Variants in EIF4G3 observed in about 807,000 individuals in gnomAD.
EIF4G3 encodes eIF-4-gamma 3.
A neutral mutation model predicts 186.4 loss-of-function variants in EIF4G3; 34 were observed. That is an observed-to-expected ratio of 0.18 (90% CI 0.14 to 0.24). The LOEUF (loss-of-function observed/expected upper bound fraction) is 0.24, where lower values mean the gene tolerates loss of function less well. Among genes scored for constraint, EIF4G3 ranks in the 10% least tolerant of loss-of-function variants. The pLI is 1.00. For missense variants in EIF4G3, 1,536 were observed against 1,948.5 expected (o/e 0.79, Z 3.99); for synonymous variants, 673 against 679.5 (o/e 0.99, Z 0.15).
At chr1:20,883,487 C>T (rs929034313) in intron 19 of EIF4G3, among the ~76,000 whole-genome samples, 1 of 152,082 alleles carries the variant, frequency 6.6e-6, no homozygotes, top group Non-Finnish European at 1.5e-5. Flanking sequence ...GCATGGTGGA[C>T]ACGCCTGTAA....
At chr1:21,112,151 T>G (rs1193161082) in intron 2 of EIF4G3, among the ~76,000 whole-genome samples, 1 of 152,232 alleles carries the variant, frequency 6.6e-6, no homozygotes, top group Non-Finnish European at 1.5e-5. Context: ...CTGATGGTTA[T>G]CAACAGTAAC....
intron 18 of EIF4G3, among the ~76,000 whole-genome samples, chr1:20,889,062 G>A (rs1298093830): frequency 6.6e-6 from 1 of 152,158 alleles, no homozygotes; most frequent in Non-Finnish European, 1.5e-5. Context: ...GGGTTGATTA[G>A]TGAGCCATTT....
At chr1:21,016,652 C>A (rs2089173786) in intron 4 of EIF4G3, among the ~76,000 whole-genome samples, 1 of 149,802 alleles carries the variant, frequency 6.7e-6, no homozygotes, top group Non-Finnish European at 1.5e-5. Flanking sequence ...GTATGAGACC[C>A]TGTCTTAAAA....
intron 3 of EIF4G3, among the ~76,000 whole-genome samples, chr1:21,075,774 A>G (rs903731105): frequency 6.6e-6 from 1 of 152,024 alleles, no homozygotes; most frequent in African/African-American, 2.4e-5. Flanking sequence ...TTCAGCAAGA[A>G]AATATAACAA....
chr1:20,960,414 C>G (rs1173855938), intron 12 of EIF4G3, among the ~76,000 whole-genome samples: 1 of 151,736 alleles, frequency 6.6e-6, no homozygotes. Context: ...TGCAGTGAGC[C>G]AAGATCATGC....
In EIF4G3 at chr1:20,810,600, ATTAAAG is replaced by A. The variant is rs2059052828; in HGVS notation, c.4744+132_4744+137del. On this transcript the variant is annotated intron_variant, in intron 36 of 36. Coordinates refer to ENST00000602326, the MANE Select transcript of EIF4G3 (RefSeq NM_001391906.1). The surrounding 1 kb of genome is among the most constrained non-coding windows in gnomAD (Gnocchi z 4.1). ...ACTGCACCCGGCCAAATTCAAATTT[ATTAAAG>A]TTAGTTATATGAGTTTGTGTTATTA... The A allele has an allele frequency of 9.2e-7, 1 of 1,088,240 alleles. No individual in the cohort carries two copies. Among genetic ancestry groups the A allele is most frequent in the Non-Finnish European group, 1.3e-6 (1 of 765,340 alleles). The allele number at this position is 1,088,240 out of a possible 1,614,324, so 67.4% of individuals were successfully genotyped here. A position where few individuals can be genotyped will look rare whatever the true frequency, so the allele number is the denominator to read the frequency against.
intron 3 of EIF4G3, among the ~76,000 whole-genome samples, chr1:21,066,122 T>C (rs553354145): frequency 6.6e-6 from 1 of 152,100 alleles, no homozygotes; most frequent in African/African-American, 2.4e-5. Context: ...ATCATACCAC[T>C]GGGCAACAGA....
intron 2 of EIF4G3, among the ~76,000 whole-genome samples, chr1:21,141,745 A>T (rs1040561414): frequency 2.0e-5 from 3 of 152,130 alleles, no homozygotes; most frequent in Admixed American, 2.0e-4. Context: ...CCTGGACAAC[A>T]TAGTGAGACC....
At chr1:20,936,742 G>A (rs531557434) in intron 14 of EIF4G3, among the ~76,000 whole-genome samples, 1 of 152,218 alleles carries the variant, frequency 6.6e-6, no homozygotes, top group Admixed American at 6.5e-5. Context: ...AATAAAGCAA[G>A]GGTTGTTATT....
At chr1:21,096,207 T>C (rs552545985) in intron 2 of EIF4G3, among the ~76,000 whole-genome samples, 77 of 152,312 alleles carry the variant, frequency 5.1e-4, no homozygotes, top group African/African-American at 1.7e-3. Context: ...GGAATACTAT[T>C]CAACCATAAA....
At chr1:20,929,791 G>C (rs2154560971) in intron 14 of EIF4G3, among the ~76,000 whole-genome samples, 1 of 152,168 alleles carries the variant, frequency 6.6e-6, no homozygotes, top group African/African-American at 2.4e-5. Flanking sequence ...GATAGACAAG[G>C]AAAAAGGGTA....
At chr1:21,126,341 T>G (rs969557186) in intron 2 of EIF4G3, among the ~76,000 whole-genome samples, 1 of 151,918 alleles carries the variant, frequency 6.6e-6, no homozygotes, top group African/African-American at 2.4e-5. Context: ...AATACTACAT[T>G]GAATTTATAT....
intron 14 of EIF4G3, among the ~76,000 whole-genome samples, chr1:20,924,782 G>A (rs1189874645): frequency 1.3e-5 from 2 of 152,134 alleles, no homozygotes; most frequent in African/African-American, 2.4e-5. Context: ...GGCTGGTCTC[G>A]AACTCCTGAC....
In EIF4G3 at chr1:20,840,495, T is replaced by C. The variant is rs2068217341; in HGVS notation, c.4061+361A>G. 1.3e-5 allele frequency among the ~76,000 whole-genome samples: 2 copies of C among 152,222 alleles called. 1 individual carries two copies. Among genetic ancestry groups the C allele is most frequent in the South Asian group, 4.1e-4 (2 of 4,828 alleles). Reference sequence around the variant, plus strand: ...ATTTAAGACAATTTTTCAGAATTGTTCTCACAAAGAAAAGCTTTTTTCCTC... The same window carrying C: ...ATTTAAGACAATTTTTCAGAATTGTCCTCACAAAGAAAAGCTTTTTTCCTC... On this transcript the variant is annotated intron_variant, in intron 30 of 36. Transcript: ENST00000602326.
At chr1:20,913,321 G>A (rs909016849) in intron 14 of EIF4G3, among the ~76,000 whole-genome samples, 1 of 152,098 alleles carries the variant, frequency 6.6e-6, no homozygotes, top group African/African-American at 2.4e-5. Context: ...ATTGCTTGAG[G>A]CCAGGAGTTC....
intron 3 of EIF4G3, among the ~76,000 whole-genome samples, chr1:21,060,024 T>C (rs2094805161): frequency 6.6e-6 from 1 of 152,236 alleles, no homozygotes; most frequent in Non-Finnish European, 1.5e-5. Flanking sequence ...CTCGGCTCAC[T>C]GCAGGTTCCA....
chr1:20,828,029 G>GTTT (rs67354523), intron 31 of EIF4G3, among the ~76,000 whole-genome samples: 120 of 127,364 alleles, frequency 9.4e-4, no homozygotes, highest in Non-Finnish European at 1.1e-3. Context: ...CTTTTATAAA[G>GTTT]TTTTTTTTTT....
At position 20,987,962 on chromosome 1, in the gene EIF4G3, G is replaced by C. The variant is rs7515845; in HGVS notation, c.178-5554C>G. Reference sequence around the variant, plus strand: ...AGGAAATTTAAAGTGCTACTCCAGTGAACACACAAATGATAAAGCAAAACA... The same window carrying C: ...AGGAAATTTAAAGTGCTACTCCAGTCAACACACAAATGATAAAGCAAAACA... On this transcript the variant is annotated intron_variant, in intron 7 of 36. Coordinates refer to ENST00000602326, the MANE Select transcript of EIF4G3 (RefSeq NM_001391906.1). Among the ~76,000 whole-genome samples, 4 of 151,844 alleles carry C rather than the reference G, an allele frequency of 2.6e-5. No individual in the cohort carries two copies. The South Asian group carries it at 8.3e-4, about 32-fold the overall frequency.
chr1:20,899,648 T>C (rs199994354), intron 16 of EIF4G3, 49 bp downstream of exon 16: 8 of 1,596,098 alleles, frequency 5.0e-6, no homozygotes, highest in East Asian at 2.2e-5. Context: ...TTCTCTAAGG[T>C]TGCAGTAGAG....
Sources: allele counts gnomAD v4.1 joint callset (sites outside exome capture counted in the v4.1 genomes callset), GRCh38; gene constraint gnomAD v4.1.1; non-coding constraint Gnocchi (gnomAD v3.1); transcripts MANE v1.5; gene names NCBI Gene and HGNC (gene_info 2026-07-23, HGNC 2026-07-21).